The following ATG14 variants were observed in gnomAD, a reference collection of about 807,000 sequenced individuals.
ATG14 encodes autophagy related 14.
Under a neutral mutation model 60.4 loss-of-function variants are expected in ATG14, and 35 were observed. That is an observed-to-expected ratio of 0.58 (90% confidence interval 0.44 to 0.77). The LOEUF (loss-of-function observed/expected upper bound fraction) is 0.77, where lower values mean the gene tolerates loss of function less well. ATG14 is among the 30% of genes least tolerant of loss of function. The pLI is 0.00. For missense variants in ATG14, 647 were observed against 626.3 expected (o/e 1.03, Z -0.35); for synonymous variants, 234 against 228.8 (o/e 1.02, Z -0.21).
chr14:55,394,950 T>C, intron 3 of ATG14: 1 of 394,170 alleles, frequency 2.5e-6, no homozygotes, highest in South Asian at 1.9e-5. Context: ...TTTCACCTCC[T>C]AAAAAAAAGC....
intron 3 of ATG14, among the ~76,000 whole-genome samples, chr14:55,394,040 T>C (rs1885270404): frequency 6.7e-6 from 1 of 149,820 alleles, no homozygotes; most frequent in Non-Finnish European, 1.5e-5. Flanking sequence ...GGAGTGTTGC[T>C]CTGTCGCCCA....
In ATG14 at chr14:55,367,188, C is replaced by T. The variant is rs1191780411; in HGVS notation, c.*2431G>A. 1 of 152,222 alleles carries T rather than the reference C, an allele frequency of 6.6e-6. No individual in the cohort carries two copies. The highest frequency in any genetic ancestry group is 1.5e-5 in the Non-Finnish European group (1 of 68,042). The allele number at this position is 152,222 out of a possible 1,614,324, so 9.4% of individuals were successfully genotyped here. A position where few individuals can be genotyped will look rare whatever the true frequency, so the allele number is the denominator to read the frequency against. ...TGGTTTCATAAGAGGCTTAAGAAAA[C>T]CATGACTGTTGTGCATCTCTCAGCT... is the stretch of plus-strand genomic sequence containing the variant. On this transcript the variant is annotated 3_prime_UTR_variant, in exon 10 of 10. Transcript: ENST00000247178.
chr14:55,403,786 G>A (rs1885448358), intron 1 of ATG14, among the ~76,000 whole-genome samples: 1 of 152,118 alleles, frequency 6.6e-6, no homozygotes, highest in African/African-American at 2.4e-5. Flanking sequence ...CTATAATAGA[G>A]GCACCTTTAT....
intron 1 of ATG14, among the ~76,000 whole-genome samples, chr14:55,398,719 A>C (rs572674491): frequency 1.3e-5 from 2 of 152,286 alleles, no homozygotes; most frequent in South Asian, 4.1e-4. Context: ...TACTTGAAAT[A>C]ACGTGTATTC....
At chr14:55,406,140 G>A (rs1315107705) in intron 1 of ATG14, among the ~76,000 whole-genome samples, 1 of 152,164 alleles carries the variant, frequency 6.6e-6, no homozygotes, top group East Asian at 1.9e-4. Flanking sequence ...TAATTAATGT[G>A]AGATCAATTT....
At chr14:55,409,840 T>C (rs1885543903) in intron 1 of ATG14, among the ~76,000 whole-genome samples, 1 of 152,174 alleles carries the variant, frequency 6.6e-6, no homozygotes, top group East Asian at 1.9e-4. Flanking sequence ...AGGAGTAGCA[T>C]AACTGTGGCT....
rs141172200 is a variant in ATG14, at chr14:55,375,770, T to C, written c.1172+2049A>G. ...AATACACTTCACTTCTTTTTAAAAATGCTTTGCCTTGGCAAGGCCTTCAGA... is the reference window on the plus strand; with the variant it reads ...AATACACTTCACTTCTTTTTAAAAACGCTTTGCCTTGGCAAGGCCTTCAGA... On this transcript the variant is annotated intron_variant, in intron 9 of 9. Coordinates refer to ENST00000247178, the MANE Select transcript of ATG14 (RefSeq NM_014924.5). Among the ~76,000 whole-genome samples, 32 of 152,356 alleles carry C rather than the reference T, an allele frequency of 2.1e-4. No individual in the cohort carries two copies. In the East Asian group the frequency reaches 6.0e-3, roughly 28 times the overall value.
intron 1 of ATG14, among the ~76,000 whole-genome samples, chr14:55,411,176 G>A (rs1885565259): frequency 6.6e-6 from 1 of 152,174 alleles, no homozygotes; most frequent in African/African-American, 2.4e-5. Flanking sequence ...CTCTAAAGCA[G>A]TTATTTGATT....
Position 55,398,766 on chromosome 14 carries a change from G to C in ATG14, c.222-1332C>G, listed in dbSNP as rs76532950. ...GGCAGTGTTCTATAAATGTCTTCTA[G>C]ATCTGTGCTGTTCAATGTGGTAGCC... On this transcript the variant is annotated intron_variant, in intron 1 of 9. Transcript: ENST00000247178. Among the ~76,000 whole-genome samples the C allele has an allele frequency of 8.4e-3, 1,272 of 152,038 alleles. 22 individuals are homozygous for C. Among genetic ancestry groups the C allele is most frequent in the African/African-American group, 0.029 (1,222 of 41,450 alleles).
chr14:55,385,400 C>G (rs1263784120), intron 5 of ATG14, among the ~76,000 whole-genome samples: 1 of 152,210 alleles, frequency 6.6e-6, no homozygotes, highest in East Asian at 1.9e-4. Context: ...TCAAGCAATT[C>G]TCCTGCCTCA....
At position 55,369,878 on chromosome 14, in the gene ATG14, A is replaced by C. The variant is rs772234940; in HGVS notation, c.1220T>G (p.Phe407Cys). ...VRADLEESME[F>C]VDPGVAGESD... Reference sequence around the variant, plus strand: ...TTCTCCAGCAACTCCGGGATCCACAAATTCCATGGACTCCTCAAGGTCTGC... The same window carrying C: ...TTCTCCAGCAACTCCGGGATCCACACATTCCATGGACTCCTCAAGGTCTGC... Residue 407 changes from phenylalanine (F) to cysteine (C), a missense_variant, in exon 10 of 10, where the codon TTT becomes TGT. Physicochemically the swap from Phe to Cys is radical, Grantham distance 205. Transcript: ENST00000247178. 1 of 1,614,080 alleles carries C rather than the reference A, an allele frequency of 6.2e-7. No homozygotes were observed. Among genetic ancestry groups the C allele is most frequent in the Non-Finnish European group, 8.5e-7 (1 of 1,179,986 alleles).
intron 9 of ATG14, among the ~76,000 whole-genome samples, chr14:55,376,353 G>A (rs1007577499): frequency 6.6e-6 from 1 of 152,240 alleles, no homozygotes; most frequent in Non-Finnish European, 1.5e-5. Context: ...AGAGGATGGT[G>A]AGTAAACTCA....
At position 55,367,047 on chromosome 14, in the gene ATG14, C is replaced by T. The variant is rs145552124; in HGVS notation, c.*2572G>A. On this transcript the variant is annotated 3_prime_UTR_variant, in exon 10 of 10. Transcript: ENST00000247178. ...AAGTGCCTCTAGTTGATATTAACAA[C>T]AACAAACAAAATATATCCTATCCAT... The T allele has an allele frequency of 3.1e-3, 473 of 152,752 alleles. 1 individual carries two copies. Among genetic ancestry groups the T allele is most frequent in the Middle Eastern group, 0.024 (7 of 294 alleles). The allele number at this position is 152,752 out of a possible 1,614,324, so 9.5% of individuals were successfully genotyped here. A position where few individuals can be genotyped will look rare whatever the true frequency, so the allele number is the denominator to read the frequency against.
rs746305748 is a variant in ATG14, at chr14:55,411,647, A to G, written c.176T>C (p.Val59Ala). 3.1e-6 allele frequency: 5 copies of G among 1,613,182 alleles called. No individual in the cohort carries two copies. The highest frequency in any genetic ancestry group is 4.2e-6 in the Non-Finnish European group (5 of 1,179,878). ...TRRRLTCAKCVQSGDFVYFDG... is the reference protein window; with the variant it reads ...TRRRLTCAKCAQSGDFVYFDG... Reference sequence around the variant, plus strand: ...GAAGTAGACGAAATCGCCGCTCTGAACGCATTTGGCGCAGGTCAGCCGCCG... The same window carrying G: ...GAAGTAGACGAAATCGCCGCTCTGAGCGCATTTGGCGCAGGTCAGCCGCCG... Residue 59 changes from valine (V) to alanine (A), a missense_variant, in exon 1 of 10, where the codon GTT (valine) becomes GCT (alanine). By Grantham distance (64) the Val-to-Ala change is moderately conservative. Transcript: ENST00000247178.
intron 1 of ATG14, among the ~76,000 whole-genome samples, chr14:55,407,939 C>A (rs1431574757): frequency 6.6e-6 from 1 of 151,992 alleles, no homozygotes; most frequent in Non-Finnish European, 1.5e-5. Flanking sequence ...AAGGAAAAAG[C>A]CCCATTGGTG....
At chr14:55,404,113 G>GGA (rs1885452844) in intron 1 of ATG14, among the ~76,000 whole-genome samples, 2 of 152,210 alleles carry the variant, frequency 1.3e-5, no homozygotes, top group African/African-American at 4.8e-5. Flanking sequence ...CAGCTCAAGA[G>GGA]GAGTTCACAA....
intron 1 of ATG14, among the ~76,000 whole-genome samples, chr14:55,406,104 G>C (rs1885486581): frequency 6.6e-6 from 1 of 152,134 alleles, no homozygotes; most frequent in South Asian, 2.1e-4. Flanking sequence ...AAGACACATG[G>C]TTCCCTTCTT....
chr14:55,391,471 T>TAAAAA (rs746307684), intron 3 of ATG14, among the ~76,000 whole-genome samples: 4 of 75,786 alleles, frequency 5.3e-5, no homozygotes, highest in Non-Finnish European at 5.9e-5. Context: ...TGAGACTCCA[T>TAAAAA]AAAAAAAAAA....
At chr14:55,391,580 G>A (rs1472327932) in intron 3 of ATG14, among the ~76,000 whole-genome samples, 1 of 151,844 alleles carries the variant, frequency 6.6e-6, no homozygotes, top group East Asian at 1.9e-4. Context: ...CTCTAAACCC[G>A]CTCTAGCTAT....
Sources: allele counts gnomAD v4.1 joint callset (sites outside exome capture counted in the v4.1 genomes callset), GRCh38; gene constraint gnomAD v4.1.1; transcripts MANE v1.5; gene names NCBI Gene and HGNC (gene_info 2026-07-23, HGNC 2026-07-21).